ANXA1: variants seen among roughly 807,000 people sequenced by gnomAD.
ANXA1 encodes the protein annexin I (lipocortin I).
Under a neutral mutation model 47.9 loss-of-function variants are expected in ANXA1, and 39 were observed. The observed-to-expected ratio is 0.81, with a 90% CI of 0.63 to 1.06. ANXA1 has a LOEUF of 1.06. ANXA1 is among the 50% of genes least tolerant of loss of function. The pLI is 0.00. For synonymous variants in ANXA1, 146 were observed against 142.5 expected, an observed-to-expected ratio of 1.02 and a Z score of -0.17; for missense variants, 446 against 422.7, an observed-to-expected ratio of 1.06 and a Z score of -0.48.
At chr9:73,157,444 A>G (rs1824065662) in intron 1 of ANXA1, among the ~76,000 whole-genome samples, 1 of 152,004 alleles carries the variant, frequency 6.6e-6, no homozygotes, top group Admixed American at 6.6e-5. Context: ...ACTTGGGGTC[A>G]TGAGTTCAAA....
At position 73,163,651 on chromosome 9, in the gene ANXA1, G is replaced by A. The variant is rs532815962; in HGVS notation, c.612+119G>A. On this transcript the variant is annotated intron_variant, in intron 8 of 12. Transcript: ENST00000257497. ...TCTGAGAGACCAATGGCTTCTTAAT[G>A]TTCATTTCCTGAATGAGGCATGTCT... 13 of 979,178 alleles carry A rather than the reference G, an allele frequency of 1.3e-5. No homozygotes were observed. The Admixed American group carries it at 2.5e-4, about 19-fold the overall frequency. The allele number at this position is 979,178 out of a possible 1,614,324, so 60.7% of individuals were successfully genotyped here. A position where few individuals can be genotyped will look rare whatever the true frequency, so the allele number is the denominator to read the frequency against.
chr9:73,169,236 G>A, intron 12 of ANXA1, 82 bp downstream of exon 12: 1 of 1,408,950 alleles, frequency 7.1e-7, no homozygotes, highest in Non-Finnish European at 9.5e-7. Flanking sequence ...TTGACTTATT[G>A]TATCTATAAA....
chr9:73,167,808 A>T (rs1782576488), intron 11 of ANXA1: 3 of 397,748 alleles, frequency 7.5e-6, no homozygotes, highest in Non-Finnish European at 9.0e-6. Context: ...TTTGCTTAAA[A>T]CATGTGTCAC....
chr9:73,155,626 T>G (rs934537365), intron 1 of ANXA1, among the ~76,000 whole-genome samples: 1 of 152,228 alleles, frequency 6.6e-6, no homozygotes, highest in Non-Finnish European at 1.5e-5. Flanking sequence ...ATATCCTGCC[T>G]TGATGCTCCT....
At chr9:73,160,217 G>A (rs1287308646) in intron 4 of ANXA1, 46 bp from the exon 5 acceptor site, 2 of 1,356,892 alleles carry the variant, frequency 1.5e-6, no homozygotes, top group East Asian at 2.5e-5. Flanking sequence ...TTTTAACCTA[G>A]CATGTTACTT....
rs762722540 is a variant in ANXA1 at position 73,169,180 on chromosome 9, T to C, written c.984+26T>C. ...GTATGTTTTGATTCCTCTAATGCCATCCCAACAAATGAAAGTTCTTTTTGC... is the reference window on the plus strand; with the variant it reads ...GTATGTTTTGATTCCTCTAATGCCACCCCAACAAATGAAAGTTCTTTTTGC... On this transcript the variant is annotated intron_variant, in intron 12 of 12. Coordinates refer to ENST00000257497, the MANE Select transcript of ANXA1 (RefSeq NM_000700.3). The C allele has an allele frequency of 1.9e-6, 3 of 1,570,480 alleles. No individual in the cohort carries two copies. The South Asian group carries it at 3.6e-5, about 19-fold the overall frequency.
chr9:73,155,899 A>G (rs1478018950), intron 1 of ANXA1, among the ~76,000 whole-genome samples: 1 of 150,952 alleles, frequency 6.6e-6, no homozygotes, highest in African/African-American at 2.4e-5. Context: ...TAATTAATAT[A>G]CCTTTTCCTG....
At chr9:73,168,880 G>GGTGTGGGTGTGTGT in intron 11 of ANXA1, 152 bp from the exon 12 acceptor site, 2 of 401,832 alleles carry the variant, frequency 5.0e-6, no homozygotes, top group Admixed American at 4.1e-5. Flanking sequence ...ATTCGTGTAA[G>GGTGTGGGTGTGTGT]GTGTGTGTGT....
chr9:73,160,398 A>G, intron 5 of ANXA1, 22 bp downstream of exon 5: 1 of 1,516,774 alleles, frequency 6.6e-7, no homozygotes, highest in South Asian at 1.3e-5. Flanking sequence ...AATTTGAGCA[A>G]ACTCCTTTCC....
At chr9:73,168,449 G>A (rs1274034641) in intron 11 of ANXA1, 1 of 152,192 alleles carries the variant, frequency 6.6e-6, no homozygotes, top group African/African-American at 2.4e-5. Context: ...AAATAGAAAT[G>A]AGCCAGATGA....
Position 73,160,808 on chromosome 9 carries a change from T to C in ANXA1, c.390T>C (p.Leu130=), listed in dbSNP as rs1409197969. ...TTTCTTCTCTTCAAATTTAGGGCCT[T>C]GGAACTGATGAAGATACTCTAATTG... ...ADELRAAMKG[L]GTDEDTLIEI... Residue 130 remains leucine (L), a synonymous_variant, in exon 6 of 13, where the codon CTT becomes CTC. Coordinates refer to ENST00000257497, the MANE Select transcript of ANXA1 (RefSeq NM_000700.3). 2 of 1,610,072 alleles carry C rather than the reference T, an allele frequency of 1.2e-6. No homozygotes were observed. Among genetic ancestry groups the C allele is most frequent in the Non-Finnish European group, 1.7e-6 (2 of 1,176,912 alleles).
rs1588215904 is a variant in ANXA1, at chr9:73,154,233, G to A, written c.-15+2309G>A. 6.1e-6 allele frequency: 7 copies of A among 1,156,706 alleles called. No homozygotes were observed. The East Asian group carries it at 3.0e-4, about 50-fold the overall frequency. The allele number at this position is 1,156,706 out of a possible 1,614,324, so 71.7% of individuals were successfully genotyped here. ...GGAAGGACTTGTGAAATACATATTCGAGGAAAAACTATGCACAAGGCCGTG... is the reference window on the plus strand; with the variant it reads ...GGAAGGACTTGTGAAATACATATTCAAGGAAAAACTATGCACAAGGCCGTG... On this transcript the variant is annotated intron_variant, in intron 1 of 12. Coordinates refer to ENST00000257497, the MANE Select transcript of ANXA1 (RefSeq NM_000700.3).
In ANXA1 at chr9:73,165,536, A is replaced by C. The variant is rs571427475; in HGVS notation, c.706+327A>C. The C allele has an allele frequency of 3.8e-3, 645 of 168,806 alleles. 1 individual carries two copies. Among genetic ancestry groups the C allele is most frequent in the African/African-American group, 0.015 (618 of 40,612 alleles). 10.5% of individuals were successfully genotyped at this position (168,806 alleles called of 1,614,324 possible). A position where few individuals can be genotyped will look rare whatever the true frequency, so the allele number is the denominator to read the frequency against. On this transcript the variant is annotated intron_variant, in intron 9 of 12. Coordinates refer to ENST00000257497, the MANE Select transcript of ANXA1 (RefSeq NM_000700.3). ...TGAAATTAGAATGAAGAAAAACAAA[A>C]AAAAAAAAACAAAAAACCCTCAGAG...
chr9:73,168,045 C>A (rs560442425), intron 11 of ANXA1: 246 of 154,514 alleles, frequency 1.6e-3, no homozygotes, highest in Non-Finnish European at 3.0e-3. Context: ...ACTTTACTGT[C>A]TGACATGCAT....
intron 1 of ANXA1, among the ~76,000 whole-genome samples, chr9:73,156,148 T>TATAG (rs1372858577): frequency 3.1e-5 from 3 of 95,524 alleles, no homozygotes; most frequent in African/African-American, 2.1e-4. Context: ...TAATAAATAA[T>TATAG]ATAAATAAAT....
intron 2 of ANXA1, 33 bp from the exon 3 acceptor site, chr9:73,158,662 A>G: frequency 6.2e-7 from 1 of 1,608,616 alleles, no homozygotes. Context: ...ATATAAGTAA[A>G]TGGCCATTAA....
Position 73,170,253 on chromosome 9 carries a change from A to G in ANXA1, c.*146A>G. On this transcript the variant is annotated 3_prime_UTR_variant, in exon 13 of 13. Transcript: ENST00000257497. ...AATATAGCCTTTAAATCATTTTTAT[A>G]TTATAACTCTGTATAATAGAGATAA... The G allele has an allele frequency of 1.8e-6, 1 of 552,922 alleles. No individual in the cohort carries two copies. The highest frequency in any genetic ancestry group is 3.1e-6 in the Non-Finnish European group (1 of 327,386). The allele number at this position is 552,922 out of a possible 1,614,324, so 34.3% of individuals were successfully genotyped here.
Position 73,160,335 on chromosome 9 carries a change from C to T in ANXA1, c.343C>T (p.Pro115Ser), listed in dbSNP as rs1824117005. The change falls in exon 5 of 13, where the codon CCA becomes TCA. Residue 115 changes from proline to serine, a missense_variant. Transcript: ENST00000257497. ...EEVVLALLKT[P>S]AQFDADELRA... ...GGTTGTTTTAGCTCTGCTAAAAACTCCAGCGCAATTTGATGCTGATGAACT... is the reference window on the plus strand; with the variant it reads ...GGTTGTTTTAGCTCTGCTAAAAACTTCAGCGCAATTTGATGCTGATGAACT... The T allele has an allele frequency of 1.3e-6, 2 of 1,586,522 alleles. No individual in the cohort carries two copies. Among genetic ancestry groups the T allele is most frequent in the East Asian group, 4.6e-5 (2 of 43,234 alleles).
intron 9 of ANXA1, 56 bp downstream of exon 9, chr9:73,165,265 T>C (rs1824208848): frequency 2.1e-6 from 3 of 1,429,892 alleles, no homozygotes; most frequent in African/African-American, 1.4e-5. Flanking sequence ...ATTTTCTTTT[T>C]TGATGACAAA....
Sources: gnomAD v4.1 joint callset for allele counts (sites outside exome capture counted in the v4.1 genomes callset) on GRCh38, gnomAD v4.1.1 for gene constraint, MANE v1.5 for transcripts, NCBI Gene and HGNC (gene_info 2026-07-23, HGNC 2026-07-21) for gene names.